The following PCDHA8 variants were observed in gnomAD, a reference collection of about 807,000 sequenced individuals.
PCDHA8 encodes the protein protocadherin alpha-8.
A neutral mutation model predicts 61.8 loss-of-function variants in PCDHA8; 53 were observed. The observed-to-expected ratio is 0.86, with a 90% CI of 0.69 to 1.08. The LOEUF is 1.08. Among genes scored for constraint, PCDHA8 ranks in the 50% least tolerant of loss-of-function variants. PCDHA8 has a pLI of 0.00. For missense variants in PCDHA8, 1,293 were observed against 1,245.0 expected (o/e 1.04, Z -0.58); for synonymous variants, 618 against 556.6 (o/e 1.11, Z -1.55).
chr5:140,853,351 C>T, intron 1 of PCDHA8: 1 of 982,872 alleles, frequency 1.0e-6, no homozygotes, highest in Non-Finnish European at 1.2e-6. Context: ...CAAACATGAA[C>T]TCACAGGGAT....
At chr5:140,925,932 A>G (rs1202634955) in intron 1 of PCDHA8, among the ~76,000 whole-genome samples, 1 of 150,196 alleles carries the variant, frequency 6.7e-6, no homozygotes, top group African/African-American at 2.5e-5. Flanking sequence ...TCCCAAGTAG[A>G]GCCTCTTGGA....
chr5:140,871,061 A>T, intron 1 of PCDHA8: 1 of 1,613,200 alleles, frequency 6.2e-7, no homozygotes, highest in South Asian at 1.1e-5. Flanking sequence ...GTGAAGGATC[A>T]CGGTGAGCCG....
chr5:140,928,510 A>T (rs782757628), intron 1 of PCDHA8: 1 of 1,614,166 alleles, frequency 6.2e-7, no homozygotes, highest in Non-Finnish European at 8.5e-7. Context: ...TGCAACAGTG[A>T]CTATAAACTT....
intron 3 of PCDHA8, among the ~76,000 whole-genome samples, chr5:141,002,517 G>A (rs770473989): frequency 5.3e-5 from 8 of 152,208 alleles, no homozygotes; most frequent in Non-Finnish European, 8.8e-5. Flanking sequence ...GAGTCTCCTA[G>A]CTGGAGTCAG....
chr5:140,995,237 T>G (rs1242320046), intron 3 of PCDHA8, among the ~76,000 whole-genome samples: 1 of 152,148 alleles, frequency 6.6e-6, no homozygotes, highest in African/African-American at 2.4e-5. Context: ...GGGCCAGTAT[T>G]AAGTAAAATA....
In PCDHA8 at chr5:140,882,915, A is replaced by G. The variant is rs374032403; in HGVS notation, c.2394+39200A>G. The G allele has an allele frequency of 9.7e-5, 156 of 1,614,110 alleles. No individual in the cohort carries two copies. Among genetic ancestry groups the G allele is most frequent in the Non-Finnish European group, 1.2e-4 (140 of 1,180,046 alleles). ...CATAGTTTATTACTGACAGCCAGTG[A>G]TGGAGGTAAACCCGAGCTGACTGGC... is the stretch of plus-strand genomic sequence containing the variant. On this transcript the variant is annotated intron_variant, in intron 1 of 3. Transcript: ENST00000531613.
At chr5:140,921,920 TTA>T (rs1253318185) in intron 1 of PCDHA8, among the ~76,000 whole-genome samples, 1 of 151,888 alleles carries the variant, frequency 6.6e-6, no homozygotes, top group African/African-American at 2.4e-5. Flanking sequence ...ATGATAAAAC[TTA>T]TAGTCAATAT....
intron 1 of PCDHA8, chr5:140,869,389 T>G (rs949262123): frequency 1.9e-6 from 3 of 1,614,180 alleles, no homozygotes; most frequent in Admixed American, 3.3e-5. Flanking sequence ...CGAGGAGCTG[T>G]GCGGGCAGAG....
intron 1 of PCDHA8, among the ~76,000 whole-genome samples, chr5:140,855,657 G>A (rs2043553278): frequency 6.7e-6 from 1 of 149,788 alleles, no homozygotes; most frequent in African/African-American, 2.5e-5. Context: ...GGTTAGGGAA[G>A]AAATCACTAC....
At chr5:140,975,056 A>G (rs1006106436) in intron 1 of PCDHA8, among the ~76,000 whole-genome samples, 3 of 152,154 alleles carry the variant, frequency 2.0e-5, no homozygotes, top group Non-Finnish European at 4.4e-5. Flanking sequence ...AGAATCTACT[A>G]TCGAGCTCAT....
At chr5:140,959,234 G>A (rs2095475246) in intron 1 of PCDHA8, among the ~76,000 whole-genome samples, 2 of 152,106 alleles carry the variant, frequency 1.3e-5, no homozygotes, top group Admixed American at 6.5e-5. Context: ...AAAATTATCT[G>A]GGCATGATAG....
intron 1 of PCDHA8, among the ~76,000 whole-genome samples, chr5:140,891,210 G>A (rs2062986388): frequency 1.3e-5 from 2 of 152,180 alleles, no homozygotes; most frequent in South Asian, 4.1e-4. Context: ...TTACCATGCT[G>A]TGTCTTTATA....
At chr5:140,866,812 C>A (rs1172521123) in intron 1 of PCDHA8, 1 of 152,120 alleles carries the variant, frequency 6.6e-6, no homozygotes, top group Non-Finnish European at 1.5e-5. Context: ...CACAAAGTTC[C>A]TTAATCTTCA....
intron 1 of PCDHA8, 99 bp from the exon 2 acceptor site, chr5:140,978,850 G>T: frequency 6.3e-7 from 1 of 1,577,084 alleles, no homozygotes; most frequent in Non-Finnish European, 8.6e-7. Flanking sequence ...TTTTTTAGAT[G>T]CCTGGAAATA....
Position 140,857,332 on chromosome 5 carries a change from C to T in PCDHA8, c.2394+13617C>T, listed in dbSNP as rs782461373. The stretch of plus-strand genomic sequence containing the variant: ...ATGAGCTGGTGGTGACCGCGCGGGA[C>T]GGGGGCTCGCCTCCGCTGTGGGCCA... On this transcript the variant is annotated intron_variant, in intron 1 of 3. Transcript: ENST00000531613. The T allele has an allele frequency of 1.9e-5, 30 of 1,598,216 alleles. No homozygotes were observed. In the South Asian group the frequency reaches 2.0e-4, roughly 11 times the overall value.
chr5:140,907,705 G>A (rs2073545190), intron 1 of PCDHA8, among the ~76,000 whole-genome samples: 1 of 152,204 alleles, frequency 6.6e-6, no homozygotes, highest in Non-Finnish European at 1.5e-5. Context: ...CCCTGTTGCT[G>A]AGCCCATGTG....
intron 1 of PCDHA8, chr5:140,876,422 A>G: frequency 1.2e-6 from 2 of 1,613,978 alleles, no homozygotes; most frequent in Non-Finnish European, 1.7e-6. Context: ...AATGCCTATG[A>G]AATTCAGGTT....
chr5:140,948,189 G>A (rs1032631604), intron 1 of PCDHA8, among the ~76,000 whole-genome samples: 4 of 151,532 alleles, frequency 2.6e-5, no homozygotes, highest in African/African-American at 9.7e-5. Context: ...ATCCCACTTA[G>A]TCATGATATA....
intron 1 of PCDHA8, among the ~76,000 whole-genome samples, chr5:140,873,809 C>T (rs1554166897): frequency 6.6e-6 from 1 of 152,138 alleles, no homozygotes; most frequent in Non-Finnish European, 1.5e-5. Context: ...TACAGGCATG[C>T]ACCACCACTC....
Sources: allele counts gnomAD v4.1 joint callset (sites outside exome capture counted in the v4.1 genomes callset), GRCh38; gene constraint gnomAD v4.1.1; transcripts MANE v1.5; gene names NCBI Gene and HGNC (gene_info 2026-07-23, HGNC 2026-07-21).